Variants in DNTT observed in about 807,000 individuals in gnomAD.
DNTT encodes DNA nucleotidylexotransferase.
A neutral mutation model predicts 60.9 loss-of-function variants in DNTT; 47 were observed. That is an observed-to-expected ratio of 0.77 (90% CI 0.61 to 0.98). The LOEUF (loss-of-function observed/expected upper bound fraction) is 0.98. DNTT is among the 50% of genes least tolerant of loss of function. The probability of loss-of-function intolerance (pLI) is 0.00; values close to 1 mark genes in which losing one functional copy is unlikely to be tolerated. For synonymous variants in DNTT, 224 were observed against 221.2 expected (o/e 1.01, Z -0.11); for missense variants, 665 against 627.5 (o/e 1.06, Z -0.64).
intron 6 of DNTT, among the ~76,000 whole-genome samples, chr10:96,324,685 G>A (rs59543221): frequency 6.6e-6 from 1 of 152,346 alleles, no homozygotes; most frequent in African/African-American, 2.4e-5. Flanking sequence ...CTGACACAGA[G>A]CAAAGGCGCC....
At chr10:96,327,390 C>T (rs886953731) in intron 6 of DNTT, 78 bp from the exon 7 acceptor site, 20 of 1,600,448 alleles carry the variant, frequency 1.2e-5, no homozygotes, top group Non-Finnish European at 1.5e-5. Flanking sequence ...ATCGTGGGGA[C>T]AGAATCCCCT....
At chr10:96,322,871 A>G in intron 5 of DNTT, 143 bp downstream of exon 5, 1 of 611,346 alleles carries the variant, frequency 1.6e-6, no homozygotes, top group Non-Finnish European at 2.7e-6. Flanking sequence ...TTATTTTCTC[A>G]CCATTCTGGA....
intron 2 of DNTT, 85 bp from the exon 3 acceptor site, chr10:96,319,177 A>AGACAACTACT (rs1844830610): frequency 1.4e-6 from 2 of 1,480,662 alleles, no homozygotes; most frequent in African/African-American, 2.8e-5. Flanking sequence ...CTCCAACTAC[A>AGACAACTACT]GACAACTACT....
At chr10:96,324,488 G>A in intron 6 of DNTT, 99 bp downstream of exon 6, 2 of 1,530,242 alleles carry the variant, frequency 1.3e-6, no homozygotes, top group Non-Finnish European at 1.8e-6. Context: ...GGGAGAGCTG[G>A]GACACTTCTT....
At chr10:96,307,701 GTGTGTATATA>G (rs1281843955) in intron 1 of DNTT, among the ~76,000 whole-genome samples, 3,205 of 85,008 alleles carry the variant, frequency 0.038, 173 homozygotes, top group African/African-American at 0.11. Flanking sequence ...GTGTGTGTGT[GTGTGTATATA>G]TATATATATA....
In DNTT at chr10:96,318,540, G is replaced by A. The variant is rs755933909; in HGVS notation, c.378+14G>A. The A allele has an allele frequency of 2.5e-6, 4 of 1,611,248 alleles. No individual in the cohort carries two copies. The highest frequency in any genetic ancestry group is 1.1e-5 in the South Asian group (1 of 90,582). ...CACCAGCTTGTTGTAAGTGTCATGG[G>A]TGTGATTTTCACTGTTCTTTGCTTG... On this transcript the variant is annotated intron_variant, in intron 2 of 10. Coordinates refer to ENST00000371174, the MANE Select transcript of DNTT (RefSeq NM_004088.4).
At chr10:96,309,246 A>T (rs1844680393) in intron 1 of DNTT, among the ~76,000 whole-genome samples, 1 of 152,174 alleles carries the variant, frequency 6.6e-6, no homozygotes, top group Non-Finnish European at 1.5e-5. Flanking sequence ...TCTTCAGTGA[A>T]AGCAAGATGC....
At chr10:96,325,272 A>C (rs1844926692) in intron 6 of DNTT, among the ~76,000 whole-genome samples, 1 of 152,238 alleles carries the variant, frequency 6.6e-6, no homozygotes, top group African/African-American at 2.4e-5. Context: ...ATTGCTAATA[A>C]TACAATGCCA....
At position 96,319,381 on chromosome 10, in the gene DNTT, G is replaced by T; in HGVS notation, c.498G>T (p.Gln166His). The change falls in exon 3 of 11, where the codon CAG (glutamine) becomes CAT (histidine). Residue 166 changes from glutamine (Q) to histidine (H), a missense_variant. Physicochemically the swap from Gln to His is conservative, Grantham distance 24. Transcript: ENST00000371174. Reference sequence around the variant, plus strand: ...GAACCACTTTAAACAACTGTAACCAGATATTCACGGTAACGGGACTTTACA... The same window carrying T: ...GAACCACTTTAAACAACTGTAACCATATATTCACGGTAACGGGACTTTACA... ...QRRTTLNNCNQIFTDAFDILA... is the reference protein window; with the variant it reads ...QRRTTLNNCNHIFTDAFDILA... 6.2e-7 allele frequency: 1 copy of T among 1,613,636 alleles called. No individual in the cohort carries two copies. Among genetic ancestry groups the T allele is most frequent in the Non-Finnish European group, 8.5e-7 (1 of 1,179,664 alleles).
At chr10:96,324,610 G>A (rs1356267477) in intron 6 of DNTT, among the ~76,000 whole-genome samples, 1 of 152,222 alleles carries the variant, frequency 6.6e-6, no homozygotes, top group Non-Finnish European at 1.5e-5. Flanking sequence ...CTATGAAAGA[G>A]AGATAACATT....
At chr10:96,331,061 G>A (rs1356716700) in intron 8 of DNTT, among the ~76,000 whole-genome samples, 1 of 152,010 alleles carries the variant, frequency 6.6e-6, no homozygotes, top group Non-Finnish European at 1.5e-5. Context: ...ATGGCAACTC[G>A]ATTGGGCACA....
chr10:96,318,486 C>T lies in DNTT; in HGVS notation c.338C>T (p.Ala113Val). Residue 113 changes from alanine to valine, a missense_variant, in exon 2 of 11, where the codon GCA (alanine) becomes GTA (valine). Coordinates refer to ENST00000371174, the MANE Select transcript of DNTT (RefSeq NM_004088.4). Reference sequence around the variant, plus strand: ...TCCTGGCTGATCGAATGCATAAGAGCAGGGAAACCGGTGGAAATGACAGGA... The same window carrying T: ...TCCTGGCTGATCGAATGCATAAGAGTAGGGAAACCGGTGGAAATGACAGGA... ...DVSWLIECIR[A>V]GKPVEMTGKH... 3.1e-6 allele frequency: 5 copies of T among 1,613,676 alleles called. No individual in the cohort carries two copies. The highest frequency in any genetic ancestry group is 4.2e-6 in the Non-Finnish European group (5 of 1,179,750).
intron 9 of DNTT, among the ~76,000 whole-genome samples, chr10:96,333,336 T>G (rs1352929810): frequency 6.6e-6 from 1 of 152,212 alleles, no homozygotes; most frequent in Non-Finnish European, 1.5e-5. Flanking sequence ...AGTGAGGCTG[T>G]GGAGAAAAGG....
chr10:96,319,242 A>G lies in DNTT; in HGVS notation c.379-20A>G. Reference sequence around the variant, plus strand: ...TACTATTAATTTTTATTGAAAATGGATGCTTATGCATTTGTTTAGGTGAGA... The same window carrying G: ...TACTATTAATTTTTATTGAAAATGGGTGCTTATGCATTTGTTTAGGTGAGA... On this transcript the variant is annotated intron_variant, in intron 2 of 10. Transcript: ENST00000371174. The G allele has an allele frequency of 2.5e-6, 4 of 1,608,926 alleles. No homozygotes were observed. Among genetic ancestry groups the G allele is most frequent in the Non-Finnish European group, 3.4e-6 (4 of 1,177,324 alleles).
At chr10:96,324,968 C>T (rs965785692) in intron 6 of DNTT, among the ~76,000 whole-genome samples, 2 of 152,156 alleles carry the variant, frequency 1.3e-5, no homozygotes, top group African/African-American at 4.8e-5. Context: ...ATATACCCAA[C>T]CAGGACTCTT....
In DNTT at chr10:96,318,292, G is replaced by A. The variant is rs186731451; in HGVS notation, c.204-60G>A. On this transcript the variant is annotated intron_variant, in intron 1 of 10. Transcript: ENST00000371174. ...GGAATGCTCAGAAACCTTGAGGAAAGAGGAGAGCTTCTGATTTTGAAAGAT... is the reference window on the plus strand; with the variant it reads ...GGAATGCTCAGAAACCTTGAGGAAAAAGGAGAGCTTCTGATTTTGAAAGAT... 128 of 1,551,646 alleles carry A rather than the reference G, an allele frequency of 8.2e-5. 1 individual carries two copies. In the East Asian group the frequency reaches 2.7e-3, roughly 33 times the overall value.
chr10:96,325,250 A>G (rs1316004261), intron 6 of DNTT, among the ~76,000 whole-genome samples: 2 of 152,244 alleles, frequency 1.3e-5, no homozygotes, highest in African/African-American at 4.8e-5. Flanking sequence ...TAAAGTTGCT[A>G]ATCTTTGAAA....
chr10:96,326,489 A>G (rs1157285633), intron 6 of DNTT, among the ~76,000 whole-genome samples: 5 of 152,296 alleles, frequency 3.3e-5, no homozygotes, highest in African/African-American at 1.2e-4. Context: ...AACATGGGAA[A>G]TTTGGCAGGG....
intron 1 of DNTT, among the ~76,000 whole-genome samples, chr10:96,314,404 T>TTTTTTTTA (rs1348631007): frequency 3.1e-4 from 18 of 57,438 alleles, no homozygotes; most frequent in Non-Finnish European, 5.5e-4. Context: ...TCTCTTCCCT[T>TTTTTTTTA]TTTTTTTTTT....
Sources: gnomAD v4.1 joint callset for allele counts (sites outside exome capture counted in the v4.1 genomes callset) on GRCh38, gnomAD v4.1.1 for gene constraint, MANE v1.5 for transcripts, NCBI Gene and HGNC (gene_info 2026-07-23, HGNC 2026-07-21) for gene names.